SFT2D1: variants seen among roughly 807,000 people sequenced by gnomAD.
The protein encoded by SFT2D1 is vesicle transport protein SFT2A.
In SFT2D1, 24 loss-of-function variants were observed where a neutral mutation model predicts 28.1. That is an observed-to-expected ratio of 0.85 (90% CI 0.62 to 1.20). The LOEUF is 1.20. Ranked by LOEUF, SFT2D1 falls within the 50% of genes most tolerant of loss-of-function variation. The pLI is 0.00. For synonymous variants in SFT2D1, 82 were observed against 73.7 expected (o/e 1.11, Z -0.58); for missense variants, 181 against 190.9 (o/e 0.95, Z 0.31).
chr6:166,324,527 AAAGAC>A lies in SFT2D1; in HGVS notation c.410+5_410+9del. On this transcript the variant is annotated splice_donor_5th_base_variant and intron_variant, in intron 6 of 7. Transcript: ENST00000361731. ...ATTTTAACACTTCACTAGGGTAAGGAAAGACTTACCAGGTCATTGACAAGAACTGC... is the reference window on the plus strand; with the variant it reads ...ATTTTAACACTTCACTAGGGTAAGGATTACCAGGTCATTGACAAGAACTGC... 1.2e-6 allele frequency: 2 copies of A among 1,609,394 alleles called. No homozygotes were observed. Among genetic ancestry groups the A allele is most frequent in the Admixed American group, 3.4e-5 (2 of 58,590 alleles).
intron 1 of SFT2D1, among the ~76,000 whole-genome samples, chr6:166,336,985 C>A (rs576605020): frequency 6.6e-6 from 1 of 152,284 alleles, no homozygotes; most frequent in South Asian, 2.1e-4. Context: ...CTGGGGGGGA[C>A]ACAGACATTC....
intron 5 of SFT2D1, chr6:166,325,899 G>A: frequency 3.5e-6 from 2 of 565,802 alleles, no homozygotes; most frequent in East Asian, 6.0e-5. Flanking sequence ...AGCTGGGTGG[G>A]TGAGCATGTG....
intron 1 of SFT2D1, among the ~76,000 whole-genome samples, chr6:166,334,201 A>G (rs79650338): frequency 6.6e-6 from 1 of 152,144 alleles, no homozygotes; most frequent in Non-Finnish European, 1.5e-5. Flanking sequence ...TCCATCCACT[A>G]ACTGGCTCAA....
intron 3 of SFT2D1, 70 bp from the exon 4 acceptor site, chr6:166,328,427 C>CT (rs1210532394): frequency 2.2e-6 from 2 of 920,150 alleles, no homozygotes. Context: ...AAATAAACTA[C>CT]TTTTTTAAAA....
At chr6:166,340,370 C>T (rs903245553) in intron 1 of SFT2D1, among the ~76,000 whole-genome samples, 1 of 152,214 alleles carries the variant, frequency 6.6e-6, no homozygotes, top group Admixed American at 6.5e-5. Flanking sequence ...GGCTTCCTAT[C>T]ACACTCAGAG....
In SFT2D1 at chr6:166,329,537, T is replaced by G; in HGVS notation, c.203A>C (p.Tyr68Ser). Reference sequence around the variant, plus strand: ...TAACGCAGCAAGATTGCCGAGGGTATAAAACACTGCAAAAAGCTTTATGCC... The same window carrying G: ...TAACGCAGCAAGATTGCCGAGGGTAGAAAACACTGCAAAAAGCTTTATGCC... ...PGGIKLFAVF[Y>S]TLGNLAALAS... The change falls in exon 3 of 8, where the codon TAT becomes TCT. Residue 68 changes from tyrosine to serine, a missense_variant. Physicochemically the swap from Tyr to Ser is moderately radical, Grantham distance 144. Transcript: ENST00000361731. 2 of 1,611,458 alleles carry G rather than the reference T, an allele frequency of 1.2e-6. No individual in the cohort carries two copies. Among genetic ancestry groups the G allele is most frequent in the Non-Finnish European group, 1.7e-6 (2 of 1,178,096 alleles).
intron 5 of SFT2D1, among the ~76,000 whole-genome samples, chr6:166,325,626 G>A (rs1233641161): frequency 6.6e-6 from 1 of 152,218 alleles, no homozygotes; most frequent in Non-Finnish European, 1.5e-5. Context: ...GACTCACAGC[G>A]CACCCCTGCA....
chr6:166,337,417 T>G (rs532678587), intron 1 of SFT2D1, among the ~76,000 whole-genome samples: 7 of 152,148 alleles, frequency 4.6e-5, no homozygotes, highest in African/African-American at 7.2e-5. Context: ...ACAGGACACT[T>G]TGGCACTCCC....
At position 166,335,681 on chromosome 6, in the gene SFT2D1, G is replaced by A. The variant is rs528926262; in HGVS notation, c.64-5434C>T. Among the ~76,000 whole-genome samples the A allele has an allele frequency of 4.0e-5, 6 of 151,276 alleles. No homozygotes were observed. In the South Asian group the frequency reaches 1.3e-3, roughly 32 times the overall value. ...CAATAATGGAATACCAGGCATAAAT[G>A]GGTTCACAAAACCAAGGTGGCTATG... is the stretch of plus-strand genomic sequence containing the variant. On this transcript the variant is annotated intron_variant, in intron 1 of 7. Transcript: ENST00000361731.
At chr6:166,333,213 C>T (rs766101697) in intron 1 of SFT2D1, among the ~76,000 whole-genome samples, 1 of 152,232 alleles carries the variant, frequency 6.6e-6, no homozygotes, top group East Asian at 1.9e-4. Context: ...GCCCGCTCCC[C>T]ACACCCGCTG....
intron 5 of SFT2D1, among the ~76,000 whole-genome samples, chr6:166,325,644 G>A (rs1778431589): frequency 6.6e-6 from 1 of 152,244 alleles, no homozygotes; most frequent in Non-Finnish European, 1.5e-5. Flanking sequence ...GCAGCAGCAT[G>A]GTGGAGAGCA....
In SFT2D1 at chr6:166,319,813, A is replaced by T. The variant is rs1312596838; in HGVS notation, c.*404T>A. On this transcript the variant is annotated 3_prime_UTR_variant, in exon 8 of 8. Transcript: ENST00000361731. ...CATATAATAAGCAATTTTTAGCTTA[A>T]AATAAGTTTCACATTTAAAGTAAAA... 4 of 147,728 alleles carry T rather than the reference A, an allele frequency of 2.7e-5. No individual in the cohort carries two copies. Among genetic ancestry groups the T allele is most frequent in the Non-Finnish European group, 5.8e-5 (4 of 68,752 alleles). The allele number at this position is 147,728 out of a possible 1,614,324, so 9.2% of individuals were successfully genotyped here. A position where few individuals can be genotyped will look rare whatever the true frequency, so the allele number is the denominator to read the frequency against.
chr6:166,335,001 C>T (rs1013409461), intron 1 of SFT2D1: 16 of 489,916 alleles, frequency 3.3e-5, no homozygotes, highest in Middle Eastern at 6.8e-4. Flanking sequence ...AGAGGTAGTG[C>T]CAAGAAAAGG....
At chr6:166,322,743 C>G in intron 7 of SFT2D1, 114 bp downstream of exon 7, 1 of 494,076 alleles carries the variant, frequency 2.0e-6, no homozygotes, top group Non-Finnish European at 3.2e-6. Flanking sequence ...AAATTAAAAT[C>G]AACCAAAAAA....
intron 6 of SFT2D1, 195 bp from the exon 7 acceptor site, chr6:166,323,081 A>G (rs1778386769): frequency 2.1e-6 from 1 of 485,364 alleles, no homozygotes; most frequent in Admixed American, 3.7e-5. Flanking sequence ...TCCTACCTTA[A>G]ACCTCCTAAA....
chr6:166,322,195 T>A (rs1261194419), intron 7 of SFT2D1, among the ~76,000 whole-genome samples: 1 of 152,152 alleles, frequency 6.6e-6, no homozygotes, highest in Non-Finnish European at 1.5e-5. Context: ...AACTTCCTTT[T>A]CTTAAGTAGA....
intron 1 of SFT2D1, among the ~76,000 whole-genome samples, chr6:166,332,519 T>C (rs2114905152): frequency 6.6e-6 from 1 of 152,342 alleles, no homozygotes. Context: ...TCTCCCAAAG[T>C]GCTGGATTAC....
intron 1 of SFT2D1, among the ~76,000 whole-genome samples, chr6:166,341,405 C>G (rs753225296): frequency 2.7e-5 from 4 of 148,226 alleles, no homozygotes; most frequent in Non-Finnish European, 4.4e-5. Flanking sequence ...GTCGAGATCA[C>G]GCCACTGCAC....
At chr6:166,334,774 C>T in intron 1 of SFT2D1, 2 of 398,212 alleles carry the variant, frequency 5.0e-6, no homozygotes, top group Non-Finnish European at 4.9e-6. Flanking sequence ...GTCCTGTATG[C>T]CGCTGTGAAG....
Sources: allele counts gnomAD v4.1 joint callset (sites outside exome capture counted in the v4.1 genomes callset), GRCh38; gene constraint gnomAD v4.1.1; transcripts MANE v1.5; gene names NCBI Gene and HGNC (gene_info 2026-07-23, HGNC 2026-07-21).